RPTOR: variants seen among roughly 807,000 people sequenced by gnomAD.
RPTOR encodes the protein regulatory-associated protein of mTOR.
A neutral mutation model predicts 169.9 loss-of-function variants in RPTOR; 21 were observed. That is an observed-to-expected ratio of 0.12 (90% CI 0.09 to 0.18). The LOEUF is 0.18. Among genes scored for constraint, RPTOR ranks in the 10% least tolerant of loss-of-function variants. The pLI, the probability that RPTOR is intolerant of heterozygous loss-of-function variation, is 1.00. For synonymous variants in RPTOR, 732 were observed against 753.2 expected (o/e 0.97, Z 0.46); for missense variants, 1,133 against 1,855.9 (o/e 0.61, Z 7.16).
chr17:80,673,537 C>G (rs1034500018), intron 3 of RPTOR, among the ~76,000 whole-genome samples: 1 of 152,202 alleles, frequency 6.6e-6, no homozygotes, highest in Non-Finnish European at 1.5e-5. Context: ...TCCAGAAAGC[C>G]AACAAGCAAA....
chr17:80,913,801 A>G (rs1385412235), intron 21 of RPTOR, among the ~76,000 whole-genome samples: 1 of 152,162 alleles, frequency 6.6e-6, no homozygotes, highest in East Asian at 1.9e-4. Flanking sequence ...AGAAGTAGAA[A>G]GAAGAGACTG....
Position 80,730,721 on chromosome 17 carries a change from G to A in RPTOR, c.654+15G>A. 6.7e-7 allele frequency: 1 copy of A among 1,501,360 alleles called. No homozygotes were observed. Among genetic ancestry groups the A allele is most frequent in the Non-Finnish European group, 9.0e-7 (1 of 1,107,134 alleles). 93.0% of individuals were successfully genotyped at this position (1,501,360 alleles called of 1,614,324 possible). A position where few individuals can be genotyped will look rare whatever the true frequency, so the allele number is the denominator to read the frequency against. ...AGGAGCTGGAGGTGAGCGCTCTGGT[G>A]CTTGGAGAGCGGTGCTGGGTTTGGT... On this transcript the variant is annotated intron_variant, in intron 5 of 33. Transcript: ENST00000306801. This position sits in a 1 kb window ranked among gnomAD's most constrained non-coding sequence, Gnocchi z 4.2.
chr17:80,822,168 G>T (rs765947141), intron 7 of RPTOR, 33 bp from the exon 8 acceptor site: 1 of 1,592,434 alleles, frequency 6.3e-7, no homozygotes, highest in Non-Finnish European at 8.6e-7. Context: ...CAGAGCTGTG[G>T]CATCACTCAT....
intron 20 of RPTOR, among the ~76,000 whole-genome samples, chr17:80,907,784 T>C (rs1043818494): frequency 6.6e-6 from 1 of 152,202 alleles, no homozygotes; most frequent in Non-Finnish European, 1.5e-5. Flanking sequence ...TTGTTTGTGC[T>C]ACCCCCTCTC....
In RPTOR at chr17:80,885,127, C is replaced by T. The variant is rs1203829381; in HGVS notation, c.1962C>T (p.Asp654=). Residue 654 remains aspartate (D), a synonymous_variant, in exon 17 of 34, where the codon GAC becomes GAT. Coordinates refer to ENST00000306801, the MANE Select transcript of RPTOR (RefSeq NM_020761.3). ...TGATGCTGGCCCAGCTGGTCAGCGA[C>T]GGGAGCCCCATGGTCCGGAAGGTGC... is the stretch of plus-strand genomic sequence containing the variant. ...VAMMLAQLVS[D]GSPMVRKELV... The T allele has an allele frequency of 5.8e-6, 9 of 1,562,752 alleles. No homozygotes were observed. The highest frequency in any genetic ancestry group is 7.8e-6 in the Non-Finnish European group (9 of 1,153,756).
At chr17:80,833,805 C>T (rs1294194288) in intron 9 of RPTOR, among the ~76,000 whole-genome samples, 1 of 152,200 alleles carries the variant, frequency 6.6e-6, no homozygotes, top group Non-Finnish European at 1.5e-5. Context: ...GCCTGACCAA[C>T]ATGGTGAAAC....
chr17:80,706,355 A>G (rs773330424), intron 3 of RPTOR, among the ~76,000 whole-genome samples: 1 of 152,188 alleles, frequency 6.6e-6, no homozygotes, highest in African/African-American at 2.4e-5. Flanking sequence ...GAAAAGAGCA[A>G]TGATAGAACT....
chr17:80,648,942 T>G (rs908850435), intron 3 of RPTOR, among the ~76,000 whole-genome samples: 4 of 152,234 alleles, frequency 2.6e-5, no homozygotes, highest in African/African-American at 7.2e-5. Flanking sequence ...AAGATGTGAC[T>G]TGCGCCTCCT....
At chr17:80,561,934 A>G (rs2084502953) in intron 1 of RPTOR, among the ~76,000 whole-genome samples, 2 of 152,100 alleles carry the variant, frequency 1.3e-5, no homozygotes, top group South Asian at 4.1e-4. Context: ...GCTTATGTGT[A>G]TGCATGTGTG....
chr17:80,718,079 C>T (rs1337502618), intron 4 of RPTOR, among the ~76,000 whole-genome samples: 1 of 152,132 alleles, frequency 6.6e-6, no homozygotes, highest in Non-Finnish European at 1.5e-5. Context: ...AAGCTATTTC[C>T]ACCCTTTGCT....
In RPTOR at chr17:80,878,956, G is replaced by T. The variant is rs377397253; in HGVS notation, c.1510-1459G>T. On this transcript the variant is annotated intron_variant, in intron 13 of 33. Coordinates refer to ENST00000306801, the MANE Select transcript of RPTOR (RefSeq NM_020761.3). The surrounding 1 kb of genome is among the most constrained non-coding windows in gnomAD (Gnocchi z 4.1). ...CGGAAGCCCCTTCCTCTAGGGGCCC[G>T]TCCCTCCTCCTTCCCCAGGCCCCGT... Among the ~76,000 whole-genome samples, 1 of 152,016 alleles carries T rather than the reference G, an allele frequency of 6.6e-6. No individual in the cohort carries two copies. Among genetic ancestry groups the T allele is most frequent in the Admixed American group, 6.6e-5 (1 of 15,254 alleles).
At chr17:80,685,644 T>TA (rs1555607050) in intron 3 of RPTOR, among the ~76,000 whole-genome samples, 10,260 of 71,042 alleles carry the variant, frequency 0.14, 906 homozygotes, top group Non-Finnish European at 0.19. Context: ...TTTTTTTTTT[T>TA]TTTTTTTTTT....
At chr17:80,853,545 C>A (rs1335999040) in intron 11 of RPTOR, among the ~76,000 whole-genome samples, 1 of 152,178 alleles carries the variant, frequency 6.6e-6, no homozygotes, top group African/African-American at 2.4e-5. Flanking sequence ...TAGCACCCAG[C>A]GCAGCACCTG....
intron 10 of RPTOR, among the ~76,000 whole-genome samples, chr17:80,838,357 G>A (rs999187296): frequency 7.9e-5 from 12 of 152,270 alleles, no homozygotes; most frequent in African/African-American, 2.9e-4. Flanking sequence ...AGCCCTGTGG[G>A]ACAGTGACCC....
chr17:80,700,673 AT>A (rs2066085108), intron 3 of RPTOR, among the ~76,000 whole-genome samples: 5 of 30,870 alleles, frequency 1.6e-4, no homozygotes, highest in East Asian at 9.9e-4. Context: ...GGTGATGGTG[AT>A]GATGGAGGTG....
intron 13 of RPTOR, among the ~76,000 whole-genome samples, chr17:80,875,345 C>T (rs2068095234): frequency 6.6e-6 from 1 of 152,164 alleles, no homozygotes; most frequent in African/African-American, 2.4e-5. Flanking sequence ...ATGCTTGCAT[C>T]TTCCCACTTT....
At chr17:80,847,049 A>ATACTGAGCGGG (rs1440781502) in intron 11 of RPTOR, among the ~76,000 whole-genome samples, 3 of 152,382 alleles carry the variant, frequency 2.0e-5, no homozygotes, top group East Asian at 3.9e-4. Flanking sequence ...CCCTGAGCGG[A>ATACTGAGCGGG]TACTGACCGG....
At chr17:80,618,549 GCCT>G (rs2065330894) in intron 1 of RPTOR, among the ~76,000 whole-genome samples, 1 of 152,182 alleles carries the variant, frequency 6.6e-6, no homozygotes, top group African/African-American at 2.4e-5. Flanking sequence ...CGTGGGCGAG[GCCT>G]CCTCATCCCT....
intron 5 of RPTOR, among the ~76,000 whole-genome samples, chr17:80,743,712 G>GGCTACTAGCACTC (rs2066510112): frequency 9.4e-5 from 8 of 85,294 alleles, no homozygotes; most frequent in East Asian, 9.6e-4. Context: ...TACTAGCACT[G>GGCTACTAGCACTC]TCCTGGCTAC....
Sources: gnomAD v4.1 joint callset for allele counts (sites outside exome capture counted in the v4.1 genomes callset) on GRCh38, gnomAD v4.1.1 for gene constraint, Gnocchi (gnomAD v3.1) non-coding constraint, MANE v1.5 for transcripts, NCBI Gene and HGNC (gene_info 2026-07-23, HGNC 2026-07-21) for gene names.